The following PLPP4 variants were observed in gnomAD, a reference collection of about 807,000 sequenced individuals.
PLPP4 encodes the protein phospholipid phosphatase 4.
A neutral mutation model predicts 32.2 loss-of-function variants in PLPP4; 20 were observed. The observed-to-expected ratio is 0.62, with a 90% CI of 0.44 to 0.90. PLPP4 has a LOEUF of 0.90. Ranked by LOEUF, PLPP4 falls within the 40% of genes least tolerant of loss-of-function variation. PLPP4 has a pLI of 0.00. For missense variants in PLPP4, 257 were observed against 353.1 expected, an observed-to-expected ratio of 0.73 and a Z score of 2.18; for synonymous variants, 127 against 133.0, an observed-to-expected ratio of 0.95 and a Z score of 0.31.
At chr10:120,540,832 C>A (rs1033779327) in intron 5 of PLPP4, among the ~76,000 whole-genome samples, 2 of 152,180 alleles carry the variant, frequency 1.3e-5, no homozygotes, top group Non-Finnish European at 2.9e-5. Context: ...GAGGTGAGAA[C>A]AGGCCATGAG....
chr10:120,457,397 C>G, intron 1 of PLPP4, 36 bp downstream of exon 1: 1 of 1,517,378 alleles, frequency 6.6e-7, no homozygotes, highest in Non-Finnish European at 8.9e-7. Context: ...GGCGCACTGA[C>G]GCGGGGGAAC....
At chr10:120,564,091 T>G (rs1008394903) in intron 5 of PLPP4, among the ~76,000 whole-genome samples, 4 of 152,136 alleles carry the variant, frequency 2.6e-5, no homozygotes, top group Non-Finnish European at 5.9e-5. Flanking sequence ...CATCTTGTTT[T>G]TCTAACAAAA....
chr10:120,545,150 C>T (rs1027355345), intron 5 of PLPP4, among the ~76,000 whole-genome samples: 3 of 152,264 alleles, frequency 2.0e-5, no homozygotes, highest in Non-Finnish European at 4.4e-5. Context: ...AGGAGGCAAA[C>T]TGGAGAGCCA....
chr10:120,589,554 A>G lies in PLPP4; in HGVS notation c.*52A>G, dbSNP rs747771556. On this transcript the variant is annotated 3_prime_UTR_variant, in exon 7 of 7. Transcript: ENST00000398250. The stretch of plus-strand genomic sequence containing the variant: ...AGCCCTGGGCACATCTGCCACCCTG[A>G]CATCATAACACAATAGAAATGGTTT... The G allele has an allele frequency of 2.4e-5, 32 of 1,352,016 alleles. No individual in the cohort carries two copies. Among genetic ancestry groups the G allele is most frequent in the Non-Finnish European group, 3.0e-5 (29 of 960,754 alleles). 83.8% of individuals were successfully genotyped at this position (1,352,016 alleles called of 1,614,324 possible).
At chr10:120,567,499 A>G (rs1848744282) in intron 5 of PLPP4, among the ~76,000 whole-genome samples, 1 of 152,224 alleles carries the variant, frequency 6.6e-6, no homozygotes. Flanking sequence ...TTGGAACCCA[A>G]GTCTTAATAC....
chr10:120,519,067 ACT>A (rs892576675), intron 4 of PLPP4, among the ~76,000 whole-genome samples, 171 bp downstream of exon 4: 3 of 151,964 alleles, frequency 2.0e-5, no homozygotes, highest in African/African-American at 7.3e-5. Context: ...TGAATTACAA[ACT>A]CACTATTTTA....
chr10:120,496,317 G>T (rs2133849619), intron 1 of PLPP4, among the ~76,000 whole-genome samples: 2 of 152,306 alleles, frequency 1.3e-5, no homozygotes, highest in East Asian at 1.9e-4. Context: ...CCCTTGTCAT[G>T]GACTTGCTGT....
intron 1 of PLPP4, among the ~76,000 whole-genome samples, chr10:120,496,455 C>A (rs1168749420): frequency 6.6e-6 from 1 of 152,154 alleles, no homozygotes; most frequent in Non-Finnish European, 1.5e-5. Flanking sequence ...GGACCAGGGT[C>A]CTCACAGGTG....
intron 5 of PLPP4, among the ~76,000 whole-genome samples, chr10:120,525,951 T>C (rs1846370244): frequency 6.6e-6 from 1 of 152,158 alleles, no homozygotes; most frequent in African/African-American, 2.4e-5. Context: ...CTTTTTAATC[T>C]GGAACTTCAT....
intron 1 of PLPP4, among the ~76,000 whole-genome samples, chr10:120,485,924 G>A (rs1442999056): frequency 6.6e-6 from 1 of 152,156 alleles, no homozygotes; most frequent in Non-Finnish European, 1.5e-5. Flanking sequence ...ATGGAGCCTA[G>A]TAAGCAGCCG....
chr10:120,553,795 G>A (rs1038979718), intron 5 of PLPP4, among the ~76,000 whole-genome samples: 2 of 152,238 alleles, frequency 1.3e-5, no homozygotes, highest in Non-Finnish European at 2.9e-5. Context: ...GAGTGGCCAT[G>A]AGGCTGAGTG....
rs1329995059 is a variant in PLPP4 at position 120,457,352 on chromosome 10, G to C, written c.47G>C (p.Gly16Ala). 2 of 1,534,426 alleles carry C rather than the reference G, an allele frequency of 1.3e-6. No homozygotes were observed. The highest frequency in any genetic ancestry group is 2.6e-5 in the East Asian group (1 of 39,044). Residue 16 changes from glycine to alanine, a missense_variant, in exon 1 of 7, where the codon GGA (glycine) becomes GCA (alanine). Coordinates refer to ENST00000398250, the MANE Select transcript of PLPP4 (RefSeq NM_001030059.3). ...IEIGVRALLF[G>A]VFVFTEFLDP... ...ATCGGGGTGCGAGCCCTGCTCTTCG[G>C]AGTCTTCGTGTAAGTAGTGGCGCAC...
At chr10:120,572,410 T>C (rs1303998085) in intron 5 of PLPP4, among the ~76,000 whole-genome samples, 1 of 152,238 alleles carries the variant, frequency 6.6e-6, no homozygotes, top group African/African-American at 2.4e-5. Context: ...CTTATATGTC[T>C]TAAAGTCTCC....
intron 6 of PLPP4, among the ~76,000 whole-genome samples, chr10:120,587,092 G>A (rs1002039221): frequency 4.6e-5 from 7 of 152,148 alleles, no homozygotes; most frequent in East Asian, 1.9e-4. Flanking sequence ...ATCCAGGATC[G>A]GAACAGCACA....
intron 6 of PLPP4, among the ~76,000 whole-genome samples, chr10:120,577,988 A>G (rs763739850): frequency 6.6e-6 from 1 of 152,200 alleles, no homozygotes; most frequent in African/African-American, 2.4e-5. Context: ...TACTACTGCC[A>G]TCCAATGGGT....
chr10:120,575,156 G>C lies in PLPP4; in HGVS notation c.471G>C (p.Thr157=). The change falls in exon 6 of 7, where the codon ACG becomes ACC. Residue 157 remains threonine (T), a synonymous_variant. Transcript: ENST00000398250. The part of the protein sequence containing the change: ...SSFAFSGLGF[T]TFYLAGKLHC... ...TTGCCTTTTCGGGCCTTGGCTTCAC[G>C]ACGTTCTACTTGGCGGGCAAGCTGC... 7 of 1,613,706 alleles carry C rather than the reference G, an allele frequency of 4.3e-6. No homozygotes were observed. Among genetic ancestry groups the C allele is most frequent in the Non-Finnish European group, 5.9e-6 (7 of 1,179,914 alleles).
At chr10:120,459,891 T>C (rs1295892861) in intron 1 of PLPP4, among the ~76,000 whole-genome samples, 2 of 152,134 alleles carry the variant, frequency 1.3e-5, no homozygotes, top group Non-Finnish European at 2.9e-5. Flanking sequence ...GCTAAGAAAA[T>C]GCATTTTGGG....
At chr10:120,466,181 T>C (rs1054296137) in intron 1 of PLPP4, among the ~76,000 whole-genome samples, 1 of 152,166 alleles carries the variant, frequency 6.6e-6, no homozygotes, top group African/African-American at 2.4e-5. Flanking sequence ...GTAGAAAGCA[T>C]GTAATGGGCC....
intron 5 of PLPP4, among the ~76,000 whole-genome samples, chr10:120,555,718 A>G (rs1197712589): frequency 1.3e-5 from 2 of 152,220 alleles, no homozygotes; most frequent in Non-Finnish European, 2.9e-5. Flanking sequence ...CAAGTCTTGT[A>G]TCTATCACCT....
Sources: allele counts gnomAD v4.1 joint callset (sites outside exome capture counted in the v4.1 genomes callset), GRCh38; gene constraint gnomAD v4.1.1; transcripts MANE v1.5; gene names NCBI Gene and HGNC (gene_info 2026-07-23, HGNC 2026-07-21).